Variants in STK33 observed in about 807,000 individuals in gnomAD.
STK33 encodes serine/threonine kinase 33, also known as serine/threonine-protein kinase 33.
In STK33, 52 loss-of-function variants were observed where a neutral mutation model predicts 58.0. The ratio of observed to expected loss-of-function variants is 0.90; its 90% confidence interval spans 0.72 to 1.13. The LOEUF is 1.13. Among genes scored for constraint, STK33 ranks in the 50% most tolerant of loss-of-function variants. The pLI is 0.00. For missense variants in STK33, 630 were observed against 604.2 expected, an observed-to-expected ratio of 1.04 and a Z score of -0.45; for synonymous variants, 215 against 200.1, an observed-to-expected ratio of 1.07 and a Z score of -0.63.
rs145429185 is a variant in STK33 at position 8,569,478 on chromosome 11, T to C, written c.-466+24605A>G. 4.4e-3 allele frequency among the ~76,000 whole-genome samples: 672 copies of C among 152,292 alleles called. 5 individuals are homozygous for C. The highest frequency in any genetic ancestry group is 0.01 in the Middle Eastern group (3 of 294). On this transcript the variant is annotated intron_variant, in intron 1 of 15. Coordinates refer to ENST00000687296, the MANE Select transcript of STK33 (RefSeq NM_001352389.2). ...ACAGACATTAACTTGAAATAGATCA[T>C]ACACACAAATGCAAAAGCTAAAACT...
At chr11:8,488,996 C>T (rs995284494) in intron 1 of STK33, among the ~76,000 whole-genome samples, 10 of 151,996 alleles carry the variant, frequency 6.6e-5, no homozygotes, top group East Asian at 1.9e-4. Flanking sequence ...TGGTGGCTCA[C>T]GCCTATAAAC....
At chr11:8,363,502 A>G in the STK33 span, among the ~76,000 whole-genome samples, 11 of 152,006 alleles carry the variant, frequency 7.2e-5, 1 homozygote, top group African/African-American at 2.7e-4. Context: ...CTACCCCCAT[A>G]GATTAGTCTT....
In STK33 at chr11:8,594,080, C is replaced by G. The variant is rs1591963074; in HGVS notation, c.-466+3G>C. 6.6e-6 allele frequency: 1 copy of G among 152,352 alleles called. No individual in the cohort carries two copies. Among genetic ancestry groups the G allele is most frequent in the African/African-American group, 2.4e-5 (1 of 41,476 alleles). The allele number at this position is 152,352 out of a possible 1,614,324, so 9.4% of individuals were successfully genotyped here. On this transcript the variant is annotated splice_donor_region_variant and intron_variant, in intron 1 of 15. Transcript: ENST00000687296. ...TGAGCCAGTGACTCCAGGGACCACT[C>G]ACCGCGGCCGGCGGACTGGCGGGTC...
the STK33 span, among the ~76,000 whole-genome samples, chr11:8,372,926 G>T: frequency 6.6e-6 from 1 of 152,330 alleles, no homozygotes; most frequent in South Asian, 2.1e-4. Context: ...AGCCAGGCAG[G>T]GCTCATCAAG....
At chr11:8,491,571 T>G (rs1950613800) in intron 1 of STK33, among the ~76,000 whole-genome samples, 2 of 152,132 alleles carry the variant, frequency 1.3e-5, no homozygotes, top group Non-Finnish European at 2.9e-5. Flanking sequence ...AGGCCAACAT[T>G]CAAATTCAGG....
intron 1 of STK33, among the ~76,000 whole-genome samples, chr11:8,510,959 C>T (rs1591550206): frequency 6.6e-6 from 1 of 152,060 alleles, no homozygotes; most frequent in African/African-American, 2.4e-5. Context: ...CTTAGTCTTG[C>T]TTTGGCTATG....
chr11:8,337,725 C>G, the STK33 span, among the ~76,000 whole-genome samples: 52,010 of 150,802 alleles, frequency 0.34, 11,266 homozygotes, highest in Non-Finnish European at 0.47. Flanking sequence ...CCCCCGCCCC[C>G]AGTCCTCACT....
At chr11:8,338,060 A>C in the STK33 span, among the ~76,000 whole-genome samples, 1 of 152,092 alleles carries the variant, frequency 6.6e-6, no homozygotes, top group Non-Finnish European at 1.5e-5. Flanking sequence ...CTTCACTAAA[A>C]TCTCCATGTC....
At chr11:8,575,265 C>A (rs1483173408) in intron 1 of STK33, among the ~76,000 whole-genome samples, 1 of 152,166 alleles carries the variant, frequency 6.6e-6, no homozygotes, top group Non-Finnish European at 1.5e-5. Context: ...TGCAAAGGAA[C>A]TGAAAGCAGG....
chr11:8,355,867 T>C, the STK33 span, among the ~76,000 whole-genome samples: 1,622 of 152,128 alleles, frequency 0.011, 25 homozygotes, highest in African/African-American at 0.038. Flanking sequence ...GCTGTCACCA[T>C]CACCATCACC....
chr11:8,398,142 T>C (rs1333358466), intron 15 of STK33, among the ~76,000 whole-genome samples: 1 of 151,906 alleles, frequency 6.6e-6, no homozygotes, highest in Non-Finnish European at 1.5e-5. Flanking sequence ...GAAGAGCAAC[T>C]CCAAGACACA....
intron 1 of STK33, among the ~76,000 whole-genome samples, chr11:8,481,646 A>G (rs1949812709): frequency 6.6e-6 from 1 of 152,136 alleles, no homozygotes; most frequent in South Asian, 2.1e-4. Flanking sequence ...TTCCTTTCAG[A>G]GCAAAACTTC....
intron 14 of STK33, among the ~76,000 whole-genome samples, chr11:8,431,400 C>T (rs1019167592): frequency 1.3e-5 from 2 of 152,058 alleles, no homozygotes; most frequent in African/African-American, 4.8e-5. Flanking sequence ...AGCCAATGAT[C>T]AAAACCCGAA....
chr11:8,434,571 T>C (rs1943831602), intron 14 of STK33, among the ~76,000 whole-genome samples: 2 of 152,166 alleles, frequency 1.3e-5, no homozygotes, highest in Admixed American at 1.3e-4. Flanking sequence ...TTCCCGTTCA[T>C]ATAAAAAATT....
the STK33 span, among the ~76,000 whole-genome samples, chr11:8,351,066 C>T: frequency 6.6e-6 from 1 of 152,240 alleles, no homozygotes; most frequent in African/African-American, 2.4e-5. Context: ...GTCCTCCTCT[C>T]CTGGGGTCCC....
chr11:8,360,402 A>G, the STK33 span, among the ~76,000 whole-genome samples: 1 of 152,266 alleles, frequency 6.6e-6, no homozygotes, highest in East Asian at 1.9e-4. Context: ...CACAAGGCCT[A>G]GCCCCAGGTC....
chr11:8,517,784 T>G (rs938375798), intron 1 of STK33, among the ~76,000 whole-genome samples: 1 of 151,876 alleles, frequency 6.6e-6, no homozygotes, highest in Non-Finnish European at 1.5e-5. Flanking sequence ...AAGAGAAGTT[T>G]AGAGAAAAAA....
the STK33 span, among the ~76,000 whole-genome samples, chr11:8,364,569 G>A: frequency 2.6e-5 from 4 of 151,936 alleles, no homozygotes; most frequent in Non-Finnish European, 2.9e-5. Context: ...TTACCCCTTA[G>A]GCCACTACTC....
At position 8,413,743 on chromosome 11, in the gene STK33, A is replaced by G. The variant is rs771212761; in HGVS notation, c.1147-51T>C. ...GTTATAAACAACTTAGAGAATTGAG[A>G]CGATACCTACATCATTTAGCGAGAC... is the stretch of plus-strand genomic sequence containing the variant. On this transcript the variant is annotated intron_variant, in intron 14 of 15. Transcript: ENST00000687296. The G allele has an allele frequency of 3.4e-6, 5 of 1,491,876 alleles. No homozygotes were observed. The South Asian group carries it at 4.6e-5, about 14-fold the overall frequency. The allele number at this position is 1,491,876 out of a possible 1,614,324, so 92.4% of individuals were successfully genotyped here. A position where few individuals can be genotyped will look rare whatever the true frequency, so the allele number is the denominator to read the frequency against.
Sources: allele counts gnomAD v4.1 joint callset (sites outside exome capture counted in the v4.1 genomes callset), GRCh38; gene constraint gnomAD v4.1.1; transcripts MANE v1.5; gene names NCBI Gene and HGNC (gene_info 2026-07-23, HGNC 2026-07-21).